CLEC9A: variants seen among roughly 807,000 people sequenced by gnomAD.
CLEC9A encodes C-type lectin domain family 9 member A.
In CLEC9A, 24 loss-of-function variants were observed where a neutral mutation model predicts 30.0. The observed-to-expected ratio is 0.80, with a 90% CI of 0.58 to 1.13. The LOEUF (loss-of-function observed/expected upper bound fraction) is 1.13. CLEC9A is among the 50% of genes most tolerant of loss of function. CLEC9A has a pLI of 0.00. For synonymous variants in CLEC9A, 111 were observed against 96.8 expected (o/e 1.15, Z -0.86); for missense variants, 251 against 280.9 (o/e 0.89, Z 0.76).
At chr12:10,036,288 T>C (rs1865743546) in intron 1 of CLEC9A, among the ~76,000 whole-genome samples, 3 of 152,214 alleles carry the variant, frequency 2.0e-5, no homozygotes, top group Admixed American at 1.3e-4. Context: ...TTTCTGTAAA[T>C]GAAGGAGAAA....
At chr12:10,053,653 C>A (rs940586133) in intron 4 of CLEC9A, among the ~76,000 whole-genome samples, 2 of 152,146 alleles carry the variant, frequency 1.3e-5, no homozygotes, top group Non-Finnish European at 2.9e-5. Context: ...GCATGTTAGG[C>A]AGGGGCATTT....
At chr12:10,052,379 C>A in intron 3 of CLEC9A, 1 of 430,314 alleles carries the variant, frequency 2.3e-6, no homozygotes, top group Non-Finnish European at 3.4e-6. Flanking sequence ...CTTCTGAACT[C>A]ACTGCTATCA....
intron 2 of CLEC9A, chr12:10,045,548 G>A (rs922009727): frequency 1.1e-5 from 3 of 280,702 alleles, no homozygotes; most frequent in Admixed American, 7.0e-5. Context: ...ATCAGAAAAG[G>A]CACTCTACCT....
chr12:10,065,058 T>G (rs1293089375), intron 8 of CLEC9A, among the ~76,000 whole-genome samples: 1 of 152,208 alleles, frequency 6.6e-6, no homozygotes, highest in African/African-American at 2.4e-5. Flanking sequence ...TTCTATTATC[T>G]TATAGAAAAT....
rs1035424244 is a variant in CLEC9A, at chr12:10,043,605, G to C, written c.-163+1985G>C. Among the ~76,000 whole-genome samples, 5 of 114,178 alleles carry C rather than the reference G, an allele frequency of 4.4e-5. No individual in the cohort carries two copies. The East Asian group carries it at 1.0e-3, about 23-fold the overall frequency. The allele number at this position is 114,178 out of a possible 152,430, so 74.9% of individuals were successfully genotyped here. ...CATTTCTATATTAATCTTTACCATG[G>C]AACAGTGTGTGTGTGTGTGTGTGTG... On this transcript the variant is annotated intron_variant, in intron 2 of 8. Coordinates refer to ENST00000355819, the MANE Select transcript of CLEC9A (RefSeq NM_207345.4).
At chr12:10,048,303 C>T (rs910377428) in intron 2 of CLEC9A, among the ~76,000 whole-genome samples, 11 of 142,466 alleles carry the variant, frequency 7.7e-5, no homozygotes, top group African/African-American at 2.4e-4. Context: ...ACTTGGGAGG[C>T]GGAGGTTGCA....
intron 5 of CLEC9A, among the ~76,000 whole-genome samples, chr12:10,057,773 G>A (rs1865955592): frequency 6.6e-6 from 1 of 151,880 alleles, no homozygotes; most frequent in Non-Finnish European, 1.5e-5. Flanking sequence ...AAAGTAAGTA[G>A]ACTTAACTTT....
intron 3 of CLEC9A, 200 bp from the exon 4 acceptor site, chr12:10,052,430 T>A: frequency 9.9e-7 from 1 of 1,013,076 alleles, no homozygotes; most frequent in Non-Finnish European, 1.2e-6. Flanking sequence ...GATAAAAAAA[T>A]GTTCTATCAT....
At chr12:10,041,368 T>C (rs1293360036) in intron 1 of CLEC9A, 98 bp from the exon 2 acceptor site, 2 of 256,264 alleles carry the variant, frequency 7.8e-6, no homozygotes, top group East Asian at 2.1e-4. Context: ...TGATGGTAAC[T>C]GAAGGGAGTC....
intron 2 of CLEC9A, among the ~76,000 whole-genome samples, chr12:10,050,945 T>C (rs7305222): frequency 0.59 from 89,005 of 152,034 alleles, 27,048 homozygotes; most frequent in Middle Eastern, 0.75. Context: ...TGGTTCACGC[T>C]TATAATCCCA....
chr12:10,065,188 G>A (rs949834023), intron 8 of CLEC9A, among the ~76,000 whole-genome samples: 1 of 152,158 alleles, frequency 6.6e-6, no homozygotes, highest in Admixed American at 6.5e-5. Flanking sequence ...ATGGCAGTGG[G>A]GAGATGGAGA....
chr12:10,042,227 A>G (rs532921434), intron 2 of CLEC9A, among the ~76,000 whole-genome samples: 2 of 152,334 alleles, frequency 1.3e-5, no homozygotes, highest in East Asian at 3.9e-4. Context: ...GGAAGTATAT[A>G]ATGTTGATAT....
chr12:10,042,358 T>C (rs1206459160), intron 2 of CLEC9A, among the ~76,000 whole-genome samples: 1 of 152,210 alleles, frequency 6.6e-6, no homozygotes, highest in Non-Finnish European at 1.5e-5. Context: ...TCTGAGTCTT[T>C]CATATCTGTC....
intron 5 of CLEC9A, among the ~76,000 whole-genome samples, chr12:10,058,583 T>C (rs928840964): frequency 6.6e-6 from 1 of 152,104 alleles, no homozygotes; most frequent in Admixed American, 6.5e-5. Context: ...CAGGCCGGAG[T>C]GCGGAGTGCA....
At position 10,065,748 on chromosome 12, in the gene CLEC9A, A is replaced by C; in HGVS notation, c.*116A>C. ...AGTAAACCAAAATGTGGGCCATGAA[A>C]TTAGCAACCTGGGACTCAATAATAC... On this transcript the variant is annotated 3_prime_UTR_variant, in exon 9 of 9. Coordinates refer to ENST00000355819, the MANE Select transcript of CLEC9A (RefSeq NM_207345.4). 9.1e-7 allele frequency: 1 copy of C among 1,100,910 alleles called. No individual in the cohort carries two copies. The highest frequency in any genetic ancestry group is 1.3e-6 in the Non-Finnish European group (1 of 756,898). The allele number at this position is 1,100,910 out of a possible 1,614,324, so 68.2% of individuals were successfully genotyped here. A position where few individuals can be genotyped will look rare whatever the true frequency, so the allele number is the denominator to read the frequency against.
At chr12:10,039,357 A>G (rs1301661996) in intron 1 of CLEC9A, among the ~76,000 whole-genome samples, 1 of 152,178 alleles carries the variant, frequency 6.6e-6, no homozygotes, top group Non-Finnish European at 1.5e-5. Context: ...CTGCCAAGAT[A>G]CTCTCAATAA....
At chr12:10,048,264 C>T (rs918653246) in intron 2 of CLEC9A, among the ~76,000 whole-genome samples, 3 of 148,294 alleles carry the variant, frequency 2.0e-5, no homozygotes, top group African/African-American at 7.5e-5. Context: ...ATTAGCTGGG[C>T]GTGGTGGTGC....
chr12:10,054,434 C>G (rs1865922482), intron 5 of CLEC9A, 83 bp downstream of exon 5: 2 of 890,124 alleles, frequency 2.2e-6, no homozygotes, highest in Non-Finnish European at 3.5e-6. Flanking sequence ...AAAATCAATT[C>G]ATATGTGAAT....
intron 2 of CLEC9A, among the ~76,000 whole-genome samples, chr12:10,043,490 G>A (rs893046795): frequency 2.0e-5 from 3 of 151,862 alleles, no homozygotes; most frequent in Non-Finnish European, 1.5e-5. Flanking sequence ...AGAGAGCACT[G>A]GTCATAAGAC....
Sources: gnomAD v4.1 joint callset for allele counts (sites outside exome capture counted in the v4.1 genomes callset) on GRCh38, gnomAD v4.1.1 for gene constraint, MANE v1.5 for transcripts, NCBI Gene and HGNC (gene_info 2026-07-23, HGNC 2026-07-21) for gene names.